Variants in SNTG1 observed in about 807,000 individuals in gnomAD.
SNTG1 encodes the protein syntrophin gamma 1, also known as gamma-1-syntrophin.
In SNTG1, 39 loss-of-function variants were observed where a neutral mutation model predicts 74.7. That is an observed-to-expected ratio of 0.52 (90% CI 0.40 to 0.68). SNTG1 has a LOEUF of 0.68. Ranked by LOEUF, SNTG1 falls within the 30% of genes least tolerant of loss-of-function variation. The pLI is 0.00. For synonymous variants in SNTG1, 254 were observed against 217.1 expected, an observed-to-expected ratio of 1.17 and a Z score of -1.49; for missense variants, 685 against 609.5, an observed-to-expected ratio of 1.12 and a Z score of -1.30.
intron 1 of SNTG1, among the ~76,000 whole-genome samples, chr8:50,067,785 G>T (rs1183688329): frequency 1.3e-5 from 2 of 152,088 alleles, no homozygotes; most frequent in Non-Finnish European, 1.5e-5. Context: ...ATTGCTTAGG[G>T]TCACCCACAG....
intron 2 of SNTG1, among the ~76,000 whole-genome samples, chr8:50,393,351 A>G (rs750416914): frequency 6.6e-6 from 1 of 152,146 alleles, no homozygotes; most frequent in Non-Finnish European, 1.5e-5. Context: ...GAAAGATATA[A>G]TAGTTTACTC....
chr8:50,780,495 G>C (rs974054499), intron 18 of SNTG1, among the ~76,000 whole-genome samples: 6 of 152,152 alleles, frequency 3.9e-5, no homozygotes, highest in African/African-American at 9.7e-5. Context: ...TTGCATAGAG[G>C]TGTTTGTAGT....
intron 2 of SNTG1, among the ~76,000 whole-genome samples, chr8:50,212,858 C>A (rs2084587603): frequency 6.6e-6 from 1 of 152,154 alleles, no homozygotes; most frequent in Non-Finnish European, 1.5e-5. Context: ...ATCAGACTGA[C>A]CAATTTGAAT....
At chr8:50,519,406 C>T (rs1400003692) in intron 9 of SNTG1, among the ~76,000 whole-genome samples, 1 of 152,096 alleles carries the variant, frequency 6.6e-6, no homozygotes, top group Non-Finnish European at 1.5e-5. Context: ...GACAAGGATG[C>T]CCTCTCTCAC....
In SNTG1 at chr8:50,149,478, C is replaced by T. The variant is rs376908257; in HGVS notation, c.-102-23083C>T. On this transcript the variant is annotated intron_variant, in intron 1 of 18. Transcript: ENST00000642720. ...TGAAGTCCTTGCCCATGCCTATGTCCTGAATAGTATTGGCTAGGTTTTCTT... is the reference window on the plus strand; with the variant it reads ...TGAAGTCCTTGCCCATGCCTATGTCTTGAATAGTATTGGCTAGGTTTTCTT... Among the ~76,000 whole-genome samples the T allele has an allele frequency of 2.0e-5, 3 of 152,292 alleles. 1 individual carries two copies. The highest frequency in any genetic ancestry group is 7.2e-5 in the African/African-American group (3 of 41,566).
At chr8:50,331,082 A>T (rs1275106549) in intron 2 of SNTG1, among the ~76,000 whole-genome samples, 2 of 152,188 alleles carry the variant, frequency 1.3e-5, no homozygotes, top group East Asian at 3.9e-4. Flanking sequence ...TTTCTAAAAT[A>T]TAAATATGGT....
intron 1 of SNTG1, among the ~76,000 whole-genome samples, chr8:50,097,660 AAAC>A (rs2079980145): frequency 6.6e-6 from 1 of 152,146 alleles, no homozygotes; most frequent in Non-Finnish European, 1.5e-5. Flanking sequence ...TCAAAAAAAA[AAAC>A]AAAAAACGAA....
At chr8:50,243,848 T>C (rs764340654) in intron 2 of SNTG1, among the ~76,000 whole-genome samples, 5 of 152,292 alleles carry the variant, frequency 3.3e-5, no homozygotes, top group Admixed American at 1.3e-4. Flanking sequence ...ATAACTGATA[T>C]ATTCCCTAAT....
chr8:50,386,731 G>C (rs902074915), intron 2 of SNTG1, among the ~76,000 whole-genome samples: 1 of 146,792 alleles, frequency 6.8e-6, no homozygotes, highest in Admixed American at 6.8e-5. Context: ...AAGAAGGGAG[G>C]TTCCAGACTC....
At chr8:50,217,091 C>T (rs1375946) in intron 2 of SNTG1, among the ~76,000 whole-genome samples, 2,208 of 151,666 alleles carry the variant, frequency 0.015, 85 homozygotes, top group East Asian at 0.13. Context: ...AATGGGCTGA[C>T]ACCAAAAGAA....
intron 8 of SNTG1, among the ~76,000 whole-genome samples, chr8:50,455,974 A>G (rs2093501435): frequency 6.6e-6 from 1 of 152,220 alleles, no homozygotes; most frequent in African/African-American, 2.4e-5. Flanking sequence ...AGCTATATAC[A>G]ATGTAATTTA....
chr8:49,968,420 A>AT (rs1811347088), intron 1 of SNTG1, among the ~76,000 whole-genome samples: 1 of 152,124 alleles, frequency 6.6e-6, no homozygotes, highest in Non-Finnish European at 1.5e-5. Context: ...AAGCAAAAAT[A>AT]TTTTACCCAT....
intron 1 of SNTG1, among the ~76,000 whole-genome samples, chr8:50,101,400 G>C (rs2080119055): frequency 6.6e-6 from 1 of 152,070 alleles, no homozygotes; most frequent in South Asian, 2.1e-4. Context: ...CCCACCAGCA[G>C]TGTATAAGCA....
At chr8:50,338,384 A>G (rs1178813994) in intron 2 of SNTG1, among the ~76,000 whole-genome samples, 3 of 152,142 alleles carry the variant, frequency 2.0e-5, no homozygotes, top group Non-Finnish European at 4.4e-5. Flanking sequence ...ATAAAAACCC[A>G]GAAGGCACGG....
chr8:50,405,635 G>T (rs2092864024), intron 4 of SNTG1, among the ~76,000 whole-genome samples: 1 of 152,036 alleles, frequency 6.6e-6, no homozygotes, highest in South Asian at 2.1e-4. Flanking sequence ...ATGCACAAAA[G>T]TTTTTAATTT....
chr8:50,573,900 A>G (rs561190981), intron 12 of SNTG1, among the ~76,000 whole-genome samples: 1 of 152,108 alleles, frequency 6.6e-6, no homozygotes, highest in South Asian at 2.1e-4. Context: ...CATTAATGCT[A>G]GTGATTCCTG....
intron 12 of SNTG1, chr8:50,575,562 G>C (rs1170105696): frequency 6.6e-6 from 1 of 152,264 alleles, no homozygotes; most frequent in Non-Finnish European, 1.5e-5. Context: ...TGATCTGCAT[G>C]TTGGGTGCCA....
At chr8:50,269,868 G>A (rs2087686882) in intron 2 of SNTG1, among the ~76,000 whole-genome samples, 1 of 152,128 alleles carries the variant, frequency 6.6e-6, no homozygotes, top group South Asian at 2.1e-4. Flanking sequence ...TTTACTCTAT[G>A]AGCTTAGGAG....
chr8:50,001,589 G>T (rs558132284), intron 1 of SNTG1, among the ~76,000 whole-genome samples: 1 of 152,218 alleles, frequency 6.6e-6, no homozygotes, highest in South Asian at 2.1e-4. Flanking sequence ...TCAGAGTTTC[G>T]TGGATTTTCA....
Sources: allele counts gnomAD v4.1 joint callset (sites outside exome capture counted in the v4.1 genomes callset), GRCh38; gene constraint gnomAD v4.1.1; transcripts MANE v1.5; gene names NCBI Gene and HGNC (gene_info 2026-07-23, HGNC 2026-07-21).